GCSH: variants seen among roughly 807,000 people sequenced by gnomAD.
GCSH encodes glycine cleavage system H protein, mitochondrial.
In GCSH, 15 loss-of-function variants were observed where a neutral mutation model predicts 21.3. The observed-to-expected ratio is 0.70, with a 90% CI of 0.47 to 1.08. GCSH has a LOEUF of 1.08. Among genes scored for constraint, GCSH ranks in the 50% least tolerant of loss-of-function variants. The pLI is 0.00. For missense variants in GCSH, 179 were observed against 217.5 expected (o/e 0.82, Z 1.11); for synonymous variants, 59 against 84.5 (o/e 0.70, Z 1.66).
At chr16:81,089,775 T>C (rs1291785059) in intron 2 of GCSH, among the ~76,000 whole-genome samples, 1 of 152,218 alleles carries the variant, frequency 6.6e-6, no homozygotes, top group Non-Finnish European at 1.5e-5. Context: ...CATATGGAAT[T>C]GAGGGGAATT....
intron 2 of GCSH, among the ~76,000 whole-genome samples, chr16:81,088,257 T>C (rs1467664186): frequency 6.6e-6 from 1 of 152,148 alleles, no homozygotes; most frequent in Non-Finnish European, 1.5e-5. Context: ...GACCCTGTTC[T>C]CCAAAACTAA....
chr16:81,095,851 ACCCGCCGGG>A (rs1972494690), intron 1 of GCSH, among the ~76,000 whole-genome samples: 1 of 150,860 alleles, frequency 6.6e-6, no homozygotes, highest in Non-Finnish European at 1.5e-5. Context: ...TGCCCGCCGG[ACCCGCCGGG>A]CCACCCCCGC....
At chr16:81,088,284 T>A (rs867651910) in intron 2 of GCSH, among the ~76,000 whole-genome samples, 2 of 151,682 alleles carry the variant, frequency 1.3e-5, no homozygotes, top group African/African-American at 4.9e-5. Context: ...TAAAATGATT[T>A]TAAAAAACTA....
At chr16:81,083,191 C>A in intron 4 of GCSH, 3 of 535,760 alleles carry the variant, frequency 5.6e-6, no homozygotes, top group Non-Finnish European at 6.8e-6. Context: ...ATTAAGAACT[C>A]TTAGGTTGTA....
At chr16:81,085,709 A>C (rs1229267010) in intron 3 of GCSH, among the ~76,000 whole-genome samples, 1 of 152,006 alleles carries the variant, frequency 6.6e-6, no homozygotes, top group African/African-American at 2.4e-5. Context: ...AATACAAAAA[A>C]ATTAGCCGGG....
In GCSH at chr16:81,084,586, C is replaced by A. The variant is rs1190987557; in HGVS notation, c.301G>T (p.Gly101Cys). ...GCAGCTTTCACACTTTCCAAAGCAC[C>A]AAACTCATCTAAGTGGAAAAAAAAT... is the stretch of plus-strand genomic sequence containing the variant. Reference protein sequence around the residue: ...GTKLNKQDEFGALESVKAASE... With the variant: ...GTKLNKQDEFCALESVKAASE... The change falls in exon 4 of 5, where the codon GGT becomes TGT. Residue 101 changes from glycine (G) to cysteine (C), a missense_variant. Transcript: ENST00000315467. 1 of 1,605,802 alleles carries A rather than the reference C, an allele frequency of 6.2e-7. No homozygotes were observed. The highest frequency in any genetic ancestry group is 1.7e-5 in the Admixed American group (1 of 59,858).
At chr16:81,085,735 C>T (rs897976793) in intron 3 of GCSH, among the ~76,000 whole-genome samples, 4 of 152,106 alleles carry the variant, frequency 2.6e-5, no homozygotes, top group African/African-American at 9.7e-5. Context: ...TGGTGGGCGC[C>T]TATAATCCCA....
At chr16:81,090,504 G>T in intron 2 of GCSH, 97 bp downstream of exon 2, 1 of 854,320 alleles carries the variant, frequency 1.2e-6, no homozygotes, top group South Asian at 1.3e-5. Context: ...TTACAGGCAT[G>T]AGCCACCTCA....
chr16:81,091,126 G>A, intron 1 of GCSH: 1 of 452,624 alleles, frequency 2.2e-6, no homozygotes. Context: ...AAAAATAACA[G>A]TAATAATCAG....
chr16:81,090,556 C>G (rs372632479), intron 2 of GCSH, 45 bp downstream of exon 2: 1 of 1,275,272 alleles, frequency 7.8e-7, no homozygotes, highest in African/African-American at 1.5e-5. Flanking sequence ...TAAAGCAAAT[C>G]ATGCAAGAGC....
chr16:81,096,200 G>C lies in GCSH; in HGVS notation c.79C>G (p.Pro27Ala). 7.6e-7 allele frequency: 1 copy of C among 1,318,942 alleles called. No individual in the cohort carries two copies. Among genetic ancestry groups the C allele is most frequent in the Non-Finnish European group, 9.6e-7 (1 of 1,039,920 alleles). The allele number at this position is 1,318,942 out of a possible 1,614,324, so 81.7% of individuals were successfully genotyped here. A position where few individuals can be genotyped will look rare whatever the true frequency, so the allele number is the denominator to read the frequency against. Residue 27 changes from proline (P) to alanine (A), a missense_variant, in exon 1 of 5, where the codon CCG becomes GCG. Physicochemically the swap from Pro to Ala is conservative, Grantham distance 27. Coordinates refer to ENST00000315467, the MANE Select transcript of GCSH (RefSeq NM_004483.5). ...ACCCCCAGCTGCCAGGGCCTCGGCG[G>C]GCAGGGCGCGGCGGGTGACGGGACC... Reference protein sequence around the residue: ...RAVPSPAAPCPPRPWQLGVGA... With the variant: ...RAVPSPAAPCAPRPWQLGVGA...
chr16:81,084,551 G>A lies in GCSH; in HGVS notation c.336C>T (p.Leu112=), dbSNP rs750376962. ...ALESVKAASE[L]YSPLSGEVTE... ...TTACTTCTCCTGATAAAGGAGAATA[G>A]AGTTCACTAGCAGCTTTCACACTTT... Residue 112 remains leucine (L), a synonymous_variant, in exon 4 of 5, where the codon CTC becomes CTT. Transcript: ENST00000315467. The A allele has an allele frequency of 3.8e-6, 6 of 1,597,738 alleles. No homozygotes were observed. The highest frequency in any genetic ancestry group is 5.1e-6 in the Non-Finnish European group (6 of 1,165,284).
At chr16:81,092,473 A>G (rs1282884168) in intron 1 of GCSH, among the ~76,000 whole-genome samples, 4 of 151,206 alleles carry the variant, frequency 2.6e-5, no homozygotes, top group South Asian at 2.1e-4. Context: ...AGGCACAGTG[A>G]CTCATGCGTG....
intron 4 of GCSH, chr16:81,083,348 T>A (rs1972208648): frequency 8.3e-6 from 2 of 240,802 alleles, no homozygotes; most frequent in South Asian, 4.8e-5. Flanking sequence ...TGGAACCCCA[T>A]CTCTACCAAA....
At chr16:81,089,417 T>C (rs749468814) in intron 2 of GCSH, among the ~76,000 whole-genome samples, 3 of 151,940 alleles carry the variant, frequency 2.0e-5, no homozygotes, top group Non-Finnish European at 4.4e-5. Flanking sequence ...ATTTTTACTG[T>C]ACCTTTTCTG....
intron 3 of GCSH, among the ~76,000 whole-genome samples, chr16:81,084,915 CTGTGTT>C (rs1972241463): frequency 6.6e-6 from 1 of 151,086 alleles, no homozygotes. Flanking sequence ...CGGGGTTTCA[CTGTGTT>C]AGCTAGGATG....
intron 1 of GCSH, among the ~76,000 whole-genome samples, chr16:81,095,717 C>G (rs1972491823): frequency 1.3e-5 from 2 of 152,156 alleles, no homozygotes; most frequent in African/African-American, 4.8e-5. Flanking sequence ...CAGTAACGGT[C>G]CATTTAGTAA....
chr16:81,085,744 C>A (rs1567587223), intron 3 of GCSH, among the ~76,000 whole-genome samples: 3 of 152,196 alleles, frequency 2.0e-5, no homozygotes, highest in Admixed American at 2.0e-4. Context: ...CCTATAATCC[C>A]AGCTACTTGG....
chr16:81,084,024 G>C (rs1396501492), intron 4 of GCSH: 1 of 191,900 alleles, frequency 5.2e-6, no homozygotes, highest in African/African-American at 2.3e-5. Context: ...TCAGGCTGGA[G>C]TGGAGTGGTG....
Sources: allele counts gnomAD v4.1 joint callset (sites outside exome capture counted in the v4.1 genomes callset), GRCh38; gene constraint gnomAD v4.1.1; transcripts MANE v1.5; gene names NCBI Gene and HGNC (gene_info 2026-07-23, HGNC 2026-07-21).